Variants in CEP350 observed in about 807,000 individuals in gnomAD.
The protein encoded by CEP350 is centrosomal protein 350, also known as centrosome-associated protein 350.
CEP350 carries 126 observed loss-of-function variants against 331.8 expected under a neutral mutation model. The ratio of observed to expected loss-of-function variants is 0.38; its 90% CI spans 0.33 to 0.44. The LOEUF (loss-of-function observed/expected upper bound fraction) is 0.44. Among genes scored for constraint, CEP350 ranks in the 20% least tolerant of loss-of-function variants. The pLI is 1.00. For missense variants in CEP350, 3,406 were observed against 3,634.6 expected (o/e 0.94, Z 1.62); for synonymous variants, 1,200 against 1,259.5 (o/e 0.95, Z 1.00).
chr1:180,020,021 G>A lies in CEP350; in HGVS notation c.2247G>A (p.Gln749=), dbSNP rs1655219975. The A allele has an allele frequency of 6.2e-7, 1 of 1,613,972 alleles. No individual in the cohort carries two copies. The highest frequency in any genetic ancestry group is 1.3e-5 in the African/African-American group (1 of 75,058). Residue 749 remains glutamine, a synonymous_variant, in exon 12 of 38, where the codon CAG becomes CAA. Transcript: ENST00000367607. ...LSPQVHHSQP[Q]PFAGTAGSLL... is the part of the protein sequence containing the mutation. ...CACAAGTTCACCATTCTCAACCACA[G>A]CCTTTTGCTGGAACAGCTGGAAGTT...
chr1:180,020,040 G>A lies in CEP350; in HGVS notation c.2266G>A (p.Gly756Arg), dbSNP rs1367365173. 2 of 1,613,844 alleles carry A rather than the reference G, an allele frequency of 1.2e-6. No homozygotes were observed. The highest frequency in any genetic ancestry group is 4.5e-5 in the East Asian group (2 of 44,902). ...SQPQPFAGTAGSLLSHLLSLE... is the reference protein window; with the variant it reads ...SQPQPFAGTARSLLSHLLSLE... ...ACCACAGCCTTTTGCTGGAACAGCT[G>A]GAAGTTTACTCTCCCATCTCTTGAG... Residue 756 changes from glycine to arginine, a missense_variant, in exon 12 of 38, where the codon GGA becomes AGA. Transcript: ENST00000367607.
At chr1:180,032,727 T>C (rs17371267) in intron 15 of CEP350, among the ~76,000 whole-genome samples, 12,651 of 152,102 alleles carry the variant, frequency 0.083, 705 homozygotes, top group Non-Finnish European at 0.12. Flanking sequence ...ATTGGAAATA[T>C]ACTTTTAGAA....
intron 3 of CEP350, 140 bp from the exon 4 acceptor site, chr1:179,990,364 ATAT>A (rs1652967700): frequency 2.4e-6 from 1 of 409,440 alleles, no homozygotes; most frequent in African/African-American, 2.0e-5. Context: ...TGAAAAACAA[ATAT>A]TATAAGAAAG....
chr1:180,009,925 ACT>A (rs1008476147), intron 8 of CEP350, among the ~76,000 whole-genome samples: 8 of 152,130 alleles, frequency 5.3e-5, no homozygotes. Flanking sequence ...TTTTAAAGAA[ACT>A]CTAAATGGAA....
At chr1:180,102,444 A>C (rs956078854) in intron 37 of CEP350, among the ~76,000 whole-genome samples, 1 of 152,076 alleles carries the variant, frequency 6.6e-6, no homozygotes, top group African/African-American at 2.4e-5. Flanking sequence ...CCAACCCCCC[A>C]CATTTTAACA....
In CEP350 at chr1:180,020,372, A is replaced by G. The variant is rs564044556; in HGVS notation, c.2598A>G (p.Ala866=). ...AWNTEYDVQQ[A]PQEDGPWTKA... ...ACACTGAGTATGATGTGCAGCAGGCACCTCAAGAAGATGGACCTTGGACCA... is the reference window on the plus strand; with the variant it reads ...ACACTGAGTATGATGTGCAGCAGGCGCCTCAAGAAGATGGACCTTGGACCA... Residue 866 remains alanine, a synonymous_variant, in exon 12 of 38, where the codon GCA becomes GCG. Transcript: ENST00000367607. 23 of 1,613,696 alleles carry G rather than the reference A, an allele frequency of 1.4e-5. No individual in the cohort carries two copies. The highest frequency in any genetic ancestry group is 1.9e-5 in the Non-Finnish European group (23 of 1,179,912).
intron 27 of CEP350, chr1:180,073,647 T>C (rs1659038768): frequency 3.7e-6 from 1 of 268,058 alleles, no homozygotes; most frequent in Admixed American, 6.5e-5. Context: ...CAGAGTGTAA[T>C]GCCTGCTTTA....
intron 17 of CEP350, among the ~76,000 whole-genome samples, chr1:180,038,046 T>C (rs1016023517): frequency 6.6e-6 from 1 of 152,242 alleles, no homozygotes; most frequent in South Asian, 2.1e-4. Context: ...AGTTGACTTA[T>C]GCCCATTTTC....
chr1:180,048,846 AT>A (rs1324618256), intron 22 of CEP350, 141 bp downstream of exon 22: 4 of 677,338 alleles, frequency 5.9e-6, no homozygotes, highest in East Asian at 2.8e-5. Context: ...AGCTGGGAGA[AT>A]TGCTTGAGCC....
chr1:180,012,124 T>TTAAGTACTTTTTCCTTCTC, intron 9 of CEP350, 49 bp downstream of exon 9: 2 of 1,465,348 alleles, frequency 1.4e-6, no homozygotes, highest in Non-Finnish European at 1.8e-6. Context: ...AAAATTGCTA[T>TTAAGTACTTTTTCCTTCTC]TAAGTACTTA....
At chr1:180,003,134 A>G in intron 6 of CEP350, 40 bp from the exon 7 acceptor site, 5 of 1,318,944 alleles carry the variant, frequency 3.8e-6, no homozygotes, top group Non-Finnish European at 5.3e-6. Flanking sequence ...CTTATAAAGC[A>G]ACTTTGATAA....
chr1:180,022,936 T>G, intron 13 of CEP350, 88 bp downstream of exon 13: 1 of 1,331,228 alleles, frequency 7.5e-7, no homozygotes, highest in Non-Finnish European at 1.0e-6. Flanking sequence ...AGCCAAGTTT[T>G]GCTCATTTAA....
intron 33 of CEP350, among the ~76,000 whole-genome samples, chr1:180,091,217 C>T (rs1017723415): frequency 2.0e-5 from 3 of 151,412 alleles, no homozygotes; most frequent in Admixed American, 6.6e-5. Context: ...GGGGTCTCAC[C>T]GTTGTTGCCC....
At chr1:180,090,615 A>G in intron 32 of CEP350, 99 bp from the exon 33 acceptor site, 1 of 806,970 alleles carries the variant, frequency 1.2e-6, no homozygotes, top group Non-Finnish European at 1.7e-6. Flanking sequence ...TACCTACTGT[A>G]GAGAAGAGGA....
chr1:180,092,698 G>A lies in CEP350; in HGVS notation c.6593G>A (p.Arg2198Gln), dbSNP rs760520324. ...YAKRVNEWDS[R>Q]TEDFQTPSPV... ...AAGAGAGTAAATGAATGGGACAGTCGAACAGAAGATTTTCAGACCCCATCT... is the reference window on the plus strand; with the variant it reads ...AAGAGAGTAAATGAATGGGACAGTCAAACAGAAGATTTTCAGACCCCATCT... The change falls in exon 34 of 38, where the codon CGA becomes CAA. Residue 2198 changes from arginine (R) to glutamine (Q), a missense_variant. Physicochemically the swap from Arg to Gln is conservative, Grantham distance 43. Coordinates refer to ENST00000367607, the MANE Select transcript of CEP350 (RefSeq NM_014810.5). The A allele has an allele frequency of 3.7e-5, 60 of 1,612,526 alleles. No homozygotes were observed. The highest frequency in any genetic ancestry group is 5.0e-5 in the Non-Finnish European group (59 of 1,179,164).
chr1:180,068,778 C>T (rs1658703143), intron 27 of CEP350, among the ~76,000 whole-genome samples: 1 of 152,110 alleles, frequency 6.6e-6, no homozygotes, highest in South Asian at 2.1e-4. Context: ...ATGCTAAGTG[C>T]TGAGGGATAC....
chr1:180,099,004 A>T lies in CEP350; in HGVS notation c.9189+19A>T. The stretch of plus-strand genomic sequence containing the variant: ...TATCCTGGTCAGTGTATACAACCAA[A>T]CTGTTTTTATTTTGACCATATCTTT... On this transcript the variant is annotated intron_variant, in intron 37 of 37. Transcript: ENST00000367607. 5.6e-6 allele frequency: 9 copies of T among 1,600,624 alleles called. No homozygotes were observed. The highest frequency in any genetic ancestry group is 7.7e-6 in the Non-Finnish European group (9 of 1,174,438).
intron 1 of CEP350, chr1:179,968,868 C>T (rs1651221186): frequency 1.3e-6 from 1 of 744,134 alleles, no homozygotes; most frequent in Non-Finnish European, 2.5e-6. Context: ...CCGCTGATGT[C>T]AGTGTCATAT....
At chr1:180,081,673 G>A (rs955925616) in intron 30 of CEP350, among the ~76,000 whole-genome samples, 10 of 152,134 alleles carry the variant, frequency 6.6e-5, no homozygotes, top group African/African-American at 2.4e-4. Context: ...CTCCTAGGCT[G>A]TAATACCTGT....
Sources: gnomAD v4.1 joint callset for allele counts (sites outside exome capture counted in the v4.1 genomes callset) on GRCh38, gnomAD v4.1.1 for gene constraint, MANE v1.5 for transcripts, NCBI Gene and HGNC (gene_info 2026-07-23, HGNC 2026-07-21) for gene names.